Variants in LGR4 observed in about 807,000 individuals in gnomAD.
The protein encoded by LGR4 is leucine-rich repeat-containing G protein-coupled receptor 4.
In LGR4, 44 loss-of-function variants were observed where a neutral mutation model predicts 84.8. The observed-to-expected ratio is 0.52, with a 90% CI of 0.41 to 0.67. LGR4 has a LOEUF of 0.67. Among genes scored for constraint, LGR4 ranks in the 30% least tolerant of loss-of-function variants. LGR4 has a pLI of 0.00. For missense variants in LGR4, 1,032 were observed against 1,131.4 expected, an observed-to-expected ratio of 0.91 and a Z score of 1.26; for synonymous variants, 429 against 434.3, an observed-to-expected ratio of 0.99 and a Z score of 0.15.
chr11:27,417,094 T>C (rs1863834182), intron 1 of LGR4, among the ~76,000 whole-genome samples: 1 of 152,184 alleles, frequency 6.6e-6, no homozygotes, highest in Non-Finnish European at 1.5e-5. Context: ...CCCAATGTTA[T>C]CTAAATTTGA....
chr11:27,418,138 T>A lies in LGR4; in HGVS notation c.186-5278A>T, dbSNP rs7933182. Among the ~76,000 whole-genome samples the A allele has an allele frequency of 9.5e-3, 1,434 of 151,492 alleles. 9 individuals carry two copies. Among genetic ancestry groups the A allele is most frequent in the Middle Eastern group, 0.018 (5 of 284 alleles). ...TCAAAAGATGTTATTATCAATAGGTTTTTTTTTGTATTAAACTCCATTAGT... is the reference window on the plus strand; with the variant it reads ...TCAAAAGATGTTATTATCAATAGGTATTTTTTTGTATTAAACTCCATTAGT... On this transcript the variant is annotated intron_variant, in intron 1 of 17. Coordinates refer to ENST00000379214, the MANE Select transcript of LGR4 (RefSeq NM_018490.5).
chr11:27,465,100 G>A (rs1208568473), intron 1 of LGR4, among the ~76,000 whole-genome samples: 1 of 152,176 alleles, frequency 6.6e-6, no homozygotes, highest in Non-Finnish European at 1.5e-5. Flanking sequence ...AGGCCAGCCT[G>A]GGATCTAAAC....
intron 3 of LGR4, among the ~76,000 whole-genome samples, chr11:27,391,687 GAGAAAT>G (rs1863287149): frequency 9.5e-6 from 1 of 105,006 alleles, no homozygotes; most frequent in African/African-American, 2.6e-5. Flanking sequence ...GGGGCCAGAA[GAGAAAT>G]AGAGCTTTGA....
intron 1 of LGR4, among the ~76,000 whole-genome samples, chr11:27,463,602 A>G (rs989567908): frequency 1.3e-5 from 2 of 152,048 alleles, no homozygotes; most frequent in African/African-American, 4.8e-5. Context: ...CCTGGCCAAC[A>G]TGGTGAAACC....
At chr11:27,418,286 G>A (rs180938259) in intron 1 of LGR4, among the ~76,000 whole-genome samples, 10 of 152,024 alleles carry the variant, frequency 6.6e-5, no homozygotes, top group South Asian at 4.2e-4. Context: ...ATGAAGATAC[G>A]GCTATTTATA....
chr11:27,429,421 T>G (rs1298927722), intron 1 of LGR4, among the ~76,000 whole-genome samples: 1 of 151,482 alleles, frequency 6.6e-6, no homozygotes, highest in Non-Finnish European at 1.5e-5. Flanking sequence ...AGGCGGAGGT[T>G]GCAGTGGGCT....
In LGR4 at chr11:27,472,090, CCCTCGCGT is replaced by C; in HGVS notation, c.185+20_185+27del. 1.6e-6 allele frequency: 2 copies of C among 1,287,022 alleles called. No homozygotes were observed. The highest frequency in any genetic ancestry group is 9.8e-7 in the Non-Finnish European group (1 of 1,016,952). The allele number at this position is 1,287,022 out of a possible 1,614,324, so 79.7% of individuals were successfully genotyped here. A position where few individuals can be genotyped will look rare whatever the true frequency, so the allele number is the denominator to read the frequency against. ...CCGCTGGGCCCCGTTTCCTCCCCCC[CCCTCGCGT>C]CCCCGCCGCCCGCACTCACAGCGCT... On this transcript the variant is annotated intron_variant, in intron 1 of 17. Coordinates refer to ENST00000379214, the MANE Select transcript of LGR4 (RefSeq NM_018490.5).
chr11:27,469,273 C>G (rs776039337), intron 1 of LGR4, among the ~76,000 whole-genome samples: 3 of 152,190 alleles, frequency 2.0e-5, no homozygotes, highest in Non-Finnish European at 4.4e-5. Flanking sequence ...CACTGTTAGA[C>G]TGAACAAGTT....
chr11:27,422,764 G>T (rs974939366), intron 1 of LGR4, among the ~76,000 whole-genome samples: 1 of 152,090 alleles, frequency 6.6e-6, no homozygotes, highest in African/African-American at 2.4e-5. Context: ...AACCTTTAAA[G>T]TTTCCCTTTT....
chr11:27,466,963 T>G (rs1342951457), intron 1 of LGR4, among the ~76,000 whole-genome samples: 1 of 151,990 alleles, frequency 6.6e-6, no homozygotes, highest in Non-Finnish European at 1.5e-5. Flanking sequence ...TTTTTTTATT[T>G]TAAGTAGAGA....
chr11:27,367,702 T>C lies in LGR4; in HGVS notation c.*165A>G, dbSNP rs920605749. On this transcript the variant is annotated 3_prime_UTR_variant, in exon 18 of 18. Transcript: ENST00000379214. ...CACCAATTTATAATTTAGGCACCTG[T>C]TCTTTGAAAATGACTGGTTTGAGAA... 7.4e-6 allele frequency: 4 copies of C among 543,916 alleles called. No homozygotes were observed. Among genetic ancestry groups the C allele is most frequent in the Non-Finnish European group, 9.6e-6 (3 of 312,056 alleles). The allele number at this position is 543,916 out of a possible 1,614,324, so 33.7% of individuals were successfully genotyped here.
At chr11:27,414,934 C>T (rs890449435) in intron 1 of LGR4, among the ~76,000 whole-genome samples, 2 of 152,094 alleles carry the variant, frequency 1.3e-5, no homozygotes, top group Admixed American at 1.3e-4. Flanking sequence ...GTAGTTTATT[C>T]ATGGAGGAGT....
At chr11:27,444,793 T>A (rs1294453326) in intron 1 of LGR4, among the ~76,000 whole-genome samples, 1 of 152,228 alleles carries the variant, frequency 6.6e-6, no homozygotes, top group Non-Finnish European at 1.5e-5. Context: ...GGTTTTAGAC[T>A]GTTCTGAAAA....
chr11:27,371,505 C>G, intron 17 of LGR4, 110 bp downstream of exon 17: 2 of 759,816 alleles, frequency 2.6e-6, no homozygotes, highest in Non-Finnish European at 4.4e-6. Context: ...TCACAGGATC[C>G]TCTAGTACCA....
At chr11:27,455,457 T>TTTAACAAATAATAACAAATAATAAC (rs1565099310) in intron 1 of LGR4, among the ~76,000 whole-genome samples, 6 of 152,232 alleles carry the variant, frequency 3.9e-5, no homozygotes, top group African/African-American at 1.4e-4. Context: ...AACTACCATG[T>TTTAACAAATAATAACAAATAATAAC]CTATAAACAG....
intron 1 of LGR4, among the ~76,000 whole-genome samples, chr11:27,413,728 A>G (rs1590374264): frequency 6.6e-6 from 1 of 152,152 alleles, no homozygotes; most frequent in Non-Finnish European, 1.5e-5. Flanking sequence ...ACCTGGCATG[A>G]AACTTCACAT....
At chr11:27,390,941 C>T (rs1307443913) in intron 4 of LGR4, among the ~76,000 whole-genome samples, 153 bp downstream of exon 4, 2 of 152,174 alleles carry the variant, frequency 1.3e-5, no homozygotes, top group African/African-American at 4.8e-5. Flanking sequence ...CCTTCTCCCT[C>T]ACCAAAGGAC....
intron 10 of LGR4, 103 bp from the exon 11 acceptor site, chr11:27,378,871 G>T: frequency 5.3e-6 from 4 of 754,422 alleles, no homozygotes; most frequent in Non-Finnish European, 9.0e-6. Context: ...ATATGGACTA[G>T]ATTCTATACA....
chr11:27,398,365 G>C (rs1863429582), intron 2 of LGR4, among the ~76,000 whole-genome samples: 1 of 152,158 alleles, frequency 6.6e-6, no homozygotes, highest in Admixed American at 6.5e-5. Context: ...AACAAGAGAG[G>C]CAAGTGTGAA....
Sources: allele counts gnomAD v4.1 joint callset (sites outside exome capture counted in the v4.1 genomes callset), GRCh38; gene constraint gnomAD v4.1.1; transcripts MANE v1.5; gene names NCBI Gene and HGNC (gene_info 2026-07-23, HGNC 2026-07-21).